Variants in PSPC1 observed in about 807,000 individuals in gnomAD.
PSPC1 encodes paraspeckle component 1, also known as paraspeckle protein 1.
In PSPC1, 14 loss-of-function variants were observed where a neutral mutation model predicts 51.6. The ratio of observed to expected loss-of-function variants is 0.27; its 90% CI spans 0.18 to 0.42. The LOEUF (loss-of-function observed/expected upper bound fraction) is 0.42, where lower values mean the gene tolerates loss of function less well. Among genes scored for constraint, PSPC1 ranks in the 10% least tolerant of loss-of-function variants. PSPC1 has a pLI of 1.00. For missense variants in PSPC1, 406 were observed against 701.1 expected (o/e 0.58, Z 4.75); for synonymous variants, 193 against 231.9 (o/e 0.83, Z 1.53).
intron 6 of PSPC1, among the ~76,000 whole-genome samples, chr13:19,714,736 C>T (rs1881885243): frequency 6.6e-6 from 1 of 152,062 alleles, no homozygotes; most frequent in African/African-American, 2.4e-5. Flanking sequence ...CTCAAGTGAT[C>T]CACCTGCCTC....
At chr13:19,780,620 G>C (rs111961458) in intron 1 of PSPC1, among the ~76,000 whole-genome samples, 8 of 123,780 alleles carry the variant, frequency 6.5e-5, no homozygotes, top group Admixed American at 9.2e-5. Context: ...CAGCATGCTC[G>C]TTAAGAGTCA....
chr13:19,774,523 G>A (rs1423057879), intron 1 of PSPC1, among the ~76,000 whole-genome samples: 1 of 152,176 alleles, frequency 6.6e-6, no homozygotes, highest in African/African-American at 2.4e-5. Context: ...TTTGGGGCCA[G>A]GCCCAATGGC....
intron 6 of PSPC1, among the ~76,000 whole-genome samples, chr13:19,688,822 A>T (rs1485548585): frequency 6.6e-6 from 1 of 152,070 alleles, no homozygotes; most frequent in African/African-American, 2.4e-5. Flanking sequence ...TAATTTATGG[A>T]CCCTATAGAT....
rs968077169 is a variant in PSPC1, at chr13:19,735,830, AT to A, written c.1053-5487del. 8.8e-3 allele frequency among the ~76,000 whole-genome samples: 1,323 copies of A among 150,072 alleles called. 22 individuals are homozygous for A. Among genetic ancestry groups the A allele is most frequent in the African/African-American group, 0.031 (1,256 of 40,976 alleles). On this transcript the variant is annotated intron_variant, in intron 5 of 8. Transcript: ENST00000338910. ...TACTGCAAAACTACTCAAAAAAAAA[AT>A]TTTTTTTTTGAGACGCAGTCCCCTC...
At chr13:19,762,373 T>C (rs1257573694) in intron 2 of PSPC1, among the ~76,000 whole-genome samples, 1 of 151,686 alleles carries the variant, frequency 6.6e-6, no homozygotes, top group Non-Finnish European at 1.5e-5. Context: ...CTGGCCAATA[T>C]AGTGAAATGC....
intron 7 of PSPC1, among the ~76,000 whole-genome samples, chr13:19,708,527 C>G (rs994270169): frequency 3.3e-5 from 5 of 152,048 alleles, no homozygotes; most frequent in Admixed American, 2.0e-4. Context: ...CTTGCTTTTC[C>G]TTCAGGTTAT....
In PSPC1 at chr13:19,694,122, C is replaced by CA. The variant is rs71092389; in HGVS notation, c.1159-16300dup. On this transcript the variant is annotated intron_variant and NMD_transcript_variant, in intron 6 of 7. Coordinates refer to the PSPC1 transcript ENST00000471658. The stretch of plus-strand genomic sequence containing the variant: ...TGGGTGACAGAGCGAGACTCCATCT[C>CA]AAAAAAAAAAAAAAAAAAAAAAAAA... Among the ~76,000 whole-genome samples the CA allele has an allele frequency of 3.0e-3, 144 of 47,470 alleles. 12 individuals are homozygous for CA. Among genetic ancestry groups the CA allele is most frequent in the South Asian group, 0.018 (15 of 854 alleles). The allele number at this position is 47,470 out of a possible 152,430, so 31.1% of individuals were successfully genotyped here.
At chr13:19,733,927 T>C (rs1884453599) in intron 5 of PSPC1, among the ~76,000 whole-genome samples, 1 of 152,060 alleles carries the variant, frequency 6.6e-6, no homozygotes, top group Admixed American at 6.6e-5. Context: ...CACTCCATTC[T>C]GGGTGACAGA....
chr13:19,770,119 A>C (rs1169340101), intron 2 of PSPC1, among the ~76,000 whole-genome samples: 1 of 152,228 alleles, frequency 6.6e-6, no homozygotes, highest in Non-Finnish European at 1.5e-5. Flanking sequence ...TATACACACA[A>C]AGATATGAAT....
intron 4 of PSPC1, among the ~76,000 whole-genome samples, chr13:19,746,912 C>T (rs1405709907): frequency 6.6e-6 from 1 of 152,100 alleles, no homozygotes; most frequent in Non-Finnish European, 1.5e-5. Context: ...GAGTTCGAGA[C>T]CAGCCTGACC....
intron 1 of PSPC1, among the ~76,000 whole-genome samples, chr13:19,773,501 G>A (rs1198144880): frequency 6.6e-6 from 1 of 151,942 alleles, no homozygotes; most frequent in East Asian, 1.9e-4. Context: ...GCTTCCCAAA[G>A]TGCTGGGATT....
intron 4 of PSPC1, among the ~76,000 whole-genome samples, chr13:19,750,620 C>T (rs1434413018): frequency 6.6e-6 from 1 of 151,998 alleles, no homozygotes. Context: ...AAATTCTTCT[C>T]ATCAAACAAA....
rs1258200415 is a variant in PSPC1, at chr13:19,782,019, C to T, written c.372+367G>A. Among the ~76,000 whole-genome samples the T allele has an allele frequency of 2.0e-5, 3 of 152,234 alleles. No individual in the cohort carries two copies. The highest frequency in any genetic ancestry group is 7.2e-5 in the African/African-American group (3 of 41,458). On this transcript the variant is annotated intron_variant, in intron 1 of 8. Transcript: ENST00000338910. This position sits in a 1 kb window ranked among gnomAD's most constrained non-coding sequence, Gnocchi z 4.5. ...TTCTCACCCCAAAACGCTGCCCGCC[C>T]CTGTCCCCGGACCCTTTCGGTACCC...
chr13:19,748,830 A>T (rs1400592463), intron 4 of PSPC1, among the ~76,000 whole-genome samples: 1 of 150,336 alleles, frequency 6.7e-6, no homozygotes, highest in African/African-American at 2.4e-5. Context: ...TAGGGTAACC[A>T]CAGAGCCCAG....
intron 6 of PSPC1, among the ~76,000 whole-genome samples, chr13:19,721,948 T>C (rs1882822171): frequency 6.6e-6 from 1 of 152,216 alleles, no homozygotes; most frequent in African/African-American, 2.4e-5. Flanking sequence ...ATGTGTAATA[T>C]CTGAGGCATT....
intron 2 of PSPC1, among the ~76,000 whole-genome samples, chr13:19,764,126 A>C (rs993242825): frequency 7.9e-5 from 12 of 152,226 alleles, no homozygotes; most frequent in African/African-American, 2.7e-4. Context: ...AACTTGAAAA[A>C]TGTTTCATTG....
chr13:19,728,926 G>A (rs527567511), intron 6 of PSPC1, among the ~76,000 whole-genome samples: 1 of 151,960 alleles, frequency 6.6e-6, no homozygotes, highest in Non-Finnish European at 1.5e-5. Context: ...TTCCAGCCCA[G>A]GTTTCCACAG....
At position 19,733,903 on chromosome 13, in the gene PSPC1, T is replaced by C. The variant is rs147220676; in HGVS notation, c.1053-3559A>G. Among the ~76,000 whole-genome samples the C allele has an allele frequency of 1.4e-3, 218 of 151,924 alleles. 4 individuals are homozygous for C. In the East Asian group the frequency reaches 0.036, roughly 25 times the overall value. ...CATAAGGTGAGACTGCGGGGAGCCG[T>C]GATCACACCACTGCACTCCATTCTG... is the stretch of plus-strand genomic sequence containing the variant. On this transcript the variant is annotated intron_variant, in intron 5 of 8. Transcript: ENST00000338910.
chr13:19,718,290 A>G (rs1248863483), intron 6 of PSPC1, among the ~76,000 whole-genome samples: 4 of 152,232 alleles, frequency 2.6e-5, no homozygotes, highest in Non-Finnish European at 4.4e-5. Flanking sequence ...TCCCCTCAAT[A>G]CATGCATTCC....
Sources: allele counts gnomAD v4.1 joint callset (sites outside exome capture counted in the v4.1 genomes callset), GRCh38; gene constraint gnomAD v4.1.1; non-coding constraint Gnocchi (gnomAD v3.1); transcripts MANE v1.5; gene names NCBI Gene and HGNC (gene_info 2026-07-23, HGNC 2026-07-21).